LRRC8C: variants seen among roughly 807,000 people sequenced by gnomAD.
LRRC8C encodes the protein volume-regulated anion channel subunit LRRC8C.
A neutral mutation model predicts 55.3 loss-of-function variants in LRRC8C; 20 were observed. The observed-to-expected ratio is 0.36, with a 90% confidence interval of 0.25 to 0.53. LRRC8C has a LOEUF of 0.53. Ranked by LOEUF, LRRC8C falls within the 20% of genes least tolerant of loss-of-function variation. The pLI is 0.92. For missense variants in LRRC8C, 659 were observed against 951.4 expected (o/e 0.69, Z 4.04); for synonymous variants, 376 against 360.7 (o/e 1.04, Z -0.48).
At chr1:89,681,956 T>A (rs1367681215) in intron 1 of LRRC8C, among the ~76,000 whole-genome samples, 3 of 152,146 alleles carry the variant, frequency 2.0e-5, no homozygotes. Flanking sequence ...GGTGAGCAGA[T>A]CACGAGGTCA....
At position 89,656,061 on chromosome 1, in the gene LRRC8C, C is replaced by T. The variant is rs114322806; in HGVS notation, c.-5+22739C>T. On this transcript the variant is annotated intron_variant, in intron 1 of 2. Transcript: ENST00000370454. The stretch of plus-strand genomic sequence containing the variant: ...CGACTGTGATGCTGCCATCTTACAG[C>T]GAGAGGTACAAAGAGCACAGGGACA... Among the ~76,000 whole-genome samples, 1,438 of 152,282 alleles carry T rather than the reference C, an allele frequency of 9.4e-3. 34 individuals carry two copies. The highest frequency in any genetic ancestry group is 0.033 in the African/African-American group (1,362 of 41,544).
chr1:89,680,716 A>G (rs536797043), intron 1 of LRRC8C, among the ~76,000 whole-genome samples: 3 of 151,962 alleles, frequency 2.0e-5, no homozygotes, highest in African/African-American at 7.2e-5. Flanking sequence ...ACACACCACC[A>G]CATCTGGCTA....
chr1:89,700,748 G>A (rs996615331), intron 2 of LRRC8C, among the ~76,000 whole-genome samples: 1 of 152,222 alleles, frequency 6.6e-6, no homozygotes, highest in Non-Finnish European at 1.5e-5. Context: ...TCAATGAGGT[G>A]GAGGGAGGAT....
chr1:89,623,906 T>A, the LRRC8C span, among the ~76,000 whole-genome samples: 4 of 152,230 alleles, frequency 2.6e-5, no homozygotes, highest in African/African-American at 9.6e-5. Context: ...GAAATTTTCT[T>A]ATCCTTGGAA....
intron 2 of LRRC8C, among the ~76,000 whole-genome samples, chr1:89,694,312 T>C (rs554658668): frequency 7.4e-4 from 113 of 152,112 alleles, no homozygotes; most frequent in Non-Finnish European, 1.3e-3. Context: ...AATACAGGAA[T>C]AAATTATATT....
intron 1 of LRRC8C, among the ~76,000 whole-genome samples, chr1:89,673,468 C>A (rs1657475453): frequency 6.6e-6 from 1 of 152,200 alleles, no homozygotes; most frequent in Non-Finnish European, 1.5e-5. Context: ...CTAATAATAG[C>A]AACTCCAAGT....
At position 89,715,475 on chromosome 1, in the gene LRRC8C, G is replaced by A. The variant is rs1393299614; in HGVS notation, c.*493G>A. ...TCATTCAGTGGAACTTCACATAAGT[G>A]CATTGTCATAGAGTATTTTAAATGT... On this transcript the variant is annotated 3_prime_UTR_variant, in exon 3 of 3. Coordinates refer to ENST00000370454, the MANE Select transcript of LRRC8C (RefSeq NM_032270.5). The A allele has an allele frequency of 6.6e-6, 1 of 152,298 alleles. No homozygotes were observed. Among genetic ancestry groups the A allele is most frequent in the East Asian group, 1.9e-4 (1 of 5,200 alleles). 9.4% of individuals were successfully genotyped at this position (152,298 alleles called of 1,614,324 possible).
chr1:89,661,358 C>A, intron 1 of LRRC8C: 1 of 342,396 alleles, frequency 2.9e-6, no homozygotes. Flanking sequence ...ATGCCAGACA[C>A]GAGATACAGT....
At chr1:89,631,440 T>C (rs1244194405), upstream of LRRC8C, among the ~76,000 whole-genome samples, 1 of 152,088 alleles carries the variant, frequency 6.6e-6, no homozygotes, top group Non-Finnish European at 1.5e-5. Context: ...TAGAAGTATA[T>C]CAGAGAGCCC....
intron 1 of LRRC8C, among the ~76,000 whole-genome samples, chr1:89,637,983 T>A (rs558220225): frequency 2.3e-4 from 35 of 152,220 alleles, no homozygotes; most frequent in African/African-American, 7.5e-4. Context: ...GGAGACAAGG[T>A]GATACGGGTT....
chr1:89,714,960 G>A lies in LRRC8C; in HGVS notation c.2390G>A (p.Arg797Gln), dbSNP rs773723019. The change falls in exon 3 of 3, where the codon CGG becomes CAG. Residue 797 changes from arginine to glutamine, a missense_variant. By Grantham distance (43) the Arg-to-Gln change is conservative (BLOSUM62 1). Around this residue, in one of 5 missense-constraint regions of LRRC8C, gnomAD observed 344 missense variants for 464.6 expected, o/e 0.74. Transcript: ENST00000370454. The surrounding 1 kb of genome is among the most constrained non-coding windows in gnomAD (Gnocchi z 4.6). The part of the protein sequence containing the change: ...ALFETLPSDV[R>Q]EQMKTE ...TTTGAAACTCTGCCTTCTGACGTCC[G>A]GGAGCAAATGAAAACAGAATAACTT... The A allele has an allele frequency of 3.8e-5, 61 of 1,584,800 alleles. 2 individuals are homozygous for A. The South Asian group carries it at 5.6e-4, about 15-fold the overall frequency.
intron 1 of LRRC8C, among the ~76,000 whole-genome samples, chr1:89,633,945 G>A (rs1393445581): frequency 1.3e-5 from 2 of 152,166 alleles, no homozygotes; most frequent in Non-Finnish European, 2.9e-5. Flanking sequence ...CCACGCCTAG[G>A]CTCGCTGATC....
At chr1:89,705,451 A>G (rs576126731) in intron 2 of LRRC8C, among the ~76,000 whole-genome samples, 1 of 151,984 alleles carries the variant, frequency 6.6e-6, no homozygotes, top group East Asian at 1.9e-4. Flanking sequence ...TTAGGGATTA[A>G]CCAAAAATAA....
chr1:89,650,235 C>T (rs1656724073), intron 1 of LRRC8C, among the ~76,000 whole-genome samples: 1 of 152,030 alleles, frequency 6.6e-6, no homozygotes, highest in South Asian at 2.1e-4. Flanking sequence ...GGATAATTTT[C>T]AAAAAGTTAA....
At chr1:89,702,754 C>A (rs1423054621) in intron 2 of LRRC8C, among the ~76,000 whole-genome samples, 1 of 152,172 alleles carries the variant, frequency 6.6e-6, no homozygotes, top group East Asian at 1.9e-4. Flanking sequence ...CACAGCAAGA[C>A]CCTGTCTCAA....
At chr1:89,655,119 T>C (rs534246285) in intron 1 of LRRC8C, among the ~76,000 whole-genome samples, 1 of 152,300 alleles carries the variant, frequency 6.6e-6, no homozygotes, top group South Asian at 2.1e-4. Flanking sequence ...TTTAGTTAAT[T>C]TCCATTATTC....
At chr1:89,677,706 CT>C (rs1188718366) in intron 1 of LRRC8C, among the ~76,000 whole-genome samples, 1 of 152,144 alleles carries the variant, frequency 6.6e-6, no homozygotes, top group Non-Finnish European at 1.5e-5. Flanking sequence ...TCTCTTTGAC[CT>C]TTTTCAGGTC....
chr1:89,618,396 CAGTGGGG>C, the LRRC8C span, among the ~76,000 whole-genome samples: 1 of 152,150 alleles, frequency 6.6e-6, no homozygotes, highest in African/African-American at 2.4e-5. Context: ...TCCCTTTGGA[CAGTGGGG>C]AGTTACTTAA....
chr1:89,692,482 G>A (rs939125298), intron 2 of LRRC8C, among the ~76,000 whole-genome samples: 4 of 152,076 alleles, frequency 2.6e-5, no homozygotes, highest in Non-Finnish European at 5.9e-5. Context: ...AAATACTGGG[G>A]GATTAAGGAG....
Sources: allele counts gnomAD v4.1 joint callset (sites outside exome capture counted in the v4.1 genomes callset), GRCh38; gene constraint gnomAD v4.1.1; regional missense constraint gnomAD v4.1.1; non-coding constraint Gnocchi (gnomAD v3.1); transcripts MANE v1.5; gene names NCBI Gene and HGNC (gene_info 2026-07-23, HGNC 2026-07-21).